Variants in MSH4 observed in about 807,000 individuals in gnomAD.
MSH4 encodes mutS protein homolog 4.
In MSH4, 106 loss-of-function variants were observed where a neutral mutation model predicts 113.7. That is an observed-to-expected ratio of 0.93 (90% CI 0.80 to 1.10). The LOEUF (loss-of-function observed/expected upper bound fraction) is 1.10, where lower values mean the gene tolerates loss of function less well. Ranked by LOEUF, MSH4 falls within the 50% of genes least tolerant of loss-of-function variation. MSH4 has a pLI of 0.00. For missense variants in MSH4, 1,061 were observed against 1,093.7 expected (o/e 0.97, Z 0.42); for synonymous variants, 368 against 380.2 (o/e 0.97, Z 0.37).
chr1:75,854,610 C>G (rs71656857), intron 8 of MSH4, among the ~76,000 whole-genome samples: 7,143 of 152,230 alleles, frequency 0.047, 206 homozygotes, highest in African/African-American at 0.064. Context: ...CTTTGCCACC[C>G]CCACACCAAC....
chr1:75,908,017 C>G (rs1652706275), intron 19 of MSH4, among the ~76,000 whole-genome samples: 2 of 150,500 alleles, frequency 1.3e-5, no homozygotes, highest in Non-Finnish European at 3.0e-5. Context: ...GCTAATCTCA[C>G]TGATTCTTTC....
At chr1:75,831,772 A>C (rs1650696808) in intron 7 of MSH4, among the ~76,000 whole-genome samples, 1 of 152,230 alleles carries the variant, frequency 6.6e-6, no homozygotes, top group Non-Finnish European at 1.5e-5. Flanking sequence ...AATCTCTGGC[A>C]CACATTTAAA....
At chr1:75,876,289 TA>T (rs1651816854) in intron 9 of MSH4, among the ~76,000 whole-genome samples, 1 of 152,104 alleles carries the variant, frequency 6.6e-6, no homozygotes, top group Non-Finnish European at 1.5e-5. Context: ...CTTTGGACAA[TA>T]GTAGATTTAA....
intron 11 of MSH4, 134 bp downstream of exon 11, chr1:75,878,452 A>G: frequency 5.9e-6 from 4 of 679,450 alleles, no homozygotes; most frequent in Non-Finnish European, 9.5e-6. Context: ...TAAGGTTAGC[A>G]TGTAGTGCCA....
At chr1:75,801,300 C>T (rs12074938) in intron 1 of MSH4, among the ~76,000 whole-genome samples, 8,891 of 152,112 alleles carry the variant, frequency 0.058, 474 homozygotes, top group African/African-American at 0.14. Context: ...CATGATGGCT[C>T]ATGCCTATAA....
intron 7 of MSH4, among the ~76,000 whole-genome samples, chr1:75,847,697 A>C (rs1377426728): frequency 6.6e-6 from 1 of 152,182 alleles, no homozygotes; most frequent in East Asian, 1.9e-4. Flanking sequence ...GAGGAAATAG[A>C]CATATGCTAA....
intron 9 of MSH4, among the ~76,000 whole-genome samples, chr1:75,868,180 A>G (rs1428660223): frequency 1.3e-5 from 2 of 152,042 alleles, no homozygotes; most frequent in Non-Finnish European, 2.9e-5. Context: ...TGGCCTTAAT[A>G]CTCTATGATG....
At chr1:75,847,940 A>G (rs951557931) in intron 7 of MSH4, among the ~76,000 whole-genome samples, 2 of 152,216 alleles carry the variant, frequency 1.3e-5, no homozygotes, top group Non-Finnish European at 2.9e-5. Context: ...TAAGGTTTCA[A>G]CATGAGTTTT....
chr1:75,873,998 C>T (rs1651765035), intron 9 of MSH4, among the ~76,000 whole-genome samples: 1 of 152,158 alleles, frequency 6.6e-6, no homozygotes, highest in African/African-American at 2.4e-5. Context: ...AATTGCCACA[C>T]TGCTTTCCAC....
chr1:75,907,684 C>CTCTATATA (rs1307238647), intron 19 of MSH4, among the ~76,000 whole-genome samples: 1 of 46,576 alleles, frequency 2.1e-5, no homozygotes, highest in Non-Finnish European at 3.7e-5. Context: ...CTCTCTCTCT[C>CTCTATATA]TATACATATA....
rs748895301 is a variant in MSH4 at position 75,797,045 on chromosome 1, G to T, written c.60G>T (p.Ser20=). 3.7e-6 allele frequency: 6 copies of T among 1,614,074 alleles called. No homozygotes were observed. The highest frequency in any genetic ancestry group is 1.7e-5 in the Admixed American group (1 of 60,030). ...CTGCCCCGGCGGTTTCCCCGTCGTCGGGAGAAACCCGCTCACCTCAGGGTC... is the reference window on the plus strand; with the variant it reads ...CTGCCCCGGCGGTTTCCCCGTCGTCTGGAGAAACCCGCTCACCTCAGGGTC... ...SPSAPAVSPS[S]GETRSPQGPR... The change falls in exon 1 of 20, where the codon TCG becomes TCT. Residue 20 remains serine (S), a synonymous_variant. Coordinates refer to ENST00000263187, the MANE Select transcript of MSH4 (RefSeq NM_002440.4).
chr1:75,807,437 T>A (rs530465495), intron 3 of MSH4, among the ~76,000 whole-genome samples: 3 of 152,324 alleles, frequency 2.0e-5, no homozygotes, highest in Non-Finnish European at 4.4e-5. Context: ...AGGTAATATA[T>A]GTGATAATGT....
intron 19 of MSH4, 33 bp from the exon 20 acceptor site, chr1:75,912,663 T>A: frequency 8.4e-7 from 1 of 1,188,946 alleles, no homozygotes; most frequent in Non-Finnish European, 1.1e-6. Context: ...TATTTGTGTA[T>A]ATATATATAT....
rs747412937 is a variant in MSH4 at position 75,819,466 on chromosome 1, C to T, written c.989+2920C>T. On this transcript the variant is annotated intron_variant, in intron 6 of 19. Transcript: ENST00000263187. ...GATAGTGCTGCTGTACTCCAGCCTG[C>T]GCAACAGAGCAAGACTCTGTCTAAA... 6.6e-5 allele frequency among the ~76,000 whole-genome samples: 10 copies of T among 152,160 alleles called. No homozygotes were observed. In the East Asian group the frequency reaches 1.2e-3, roughly 18 times the overall value.
At chr1:75,853,747 A>C (rs1651247793) in intron 8 of MSH4, among the ~76,000 whole-genome samples, 1 of 151,982 alleles carries the variant, frequency 6.6e-6, no homozygotes, top group Non-Finnish European at 1.5e-5. Flanking sequence ...GACATGTGCA[A>C]GCCTCTTCTA....
chr1:75,884,315 A>G (rs1369715645), intron 15 of MSH4, among the ~76,000 whole-genome samples: 1 of 152,132 alleles, frequency 6.6e-6, no homozygotes, highest in Non-Finnish European at 1.5e-5. Flanking sequence ...ACACATGTGC[A>G]TACATGCATC....
chr1:75,910,689 CCAT>C (rs1443154070), intron 19 of MSH4, among the ~76,000 whole-genome samples: 26 of 152,098 alleles, frequency 1.7e-4, no homozygotes, highest in Non-Finnish European at 3.2e-4. Context: ...CTCACAGCGT[CCAT>C]CATCATTTCT....
At chr1:75,860,184 A>G (rs543879566) in intron 8 of MSH4, among the ~76,000 whole-genome samples, 1 of 152,022 alleles carries the variant, frequency 6.6e-6, no homozygotes, top group African/African-American at 2.4e-5. Context: ...TCTCCTGAAT[A>G]CAGCATGCTG....
chr1:75,807,771 T>C (rs1650100244), intron 3 of MSH4, among the ~76,000 whole-genome samples: 1 of 139,116 alleles, frequency 7.2e-6, no homozygotes, highest in Non-Finnish European at 1.6e-5. Context: ...AAAGCATTAT[T>C]TGGGCTGTGT....
Sources: gnomAD v4.1 joint callset for allele counts (sites outside exome capture counted in the v4.1 genomes callset) on GRCh38, gnomAD v4.1.1 for gene constraint, MANE v1.5 for transcripts, NCBI Gene and HGNC (gene_info 2026-07-23, HGNC 2026-07-21) for gene names.